Variants in HOMER2 observed in about 807,000 individuals in gnomAD.
The protein encoded by HOMER2 is homer scaffold protein 2.
HOMER2 carries 27 observed loss-of-function variants against 47.0 expected under a neutral mutation model. The ratio of observed to expected loss-of-function variants is 0.57; its 90% CI spans 0.42 to 0.79. The LOEUF is 0.79. HOMER2 is among the 30% of genes least tolerant of loss of function. The pLI is 0.00. For missense variants in HOMER2, 443 were observed against 435.0 expected (o/e 1.02, Z -0.16); for synonymous variants, 161 against 163.8 (o/e 0.98, Z 0.13).
At chr15:82,915,306 T>C (rs1005475536) in intron 1 of HOMER2, among the ~76,000 whole-genome samples, 1 of 152,168 alleles carries the variant, frequency 6.6e-6, no homozygotes, top group Non-Finnish European at 1.5e-5. Flanking sequence ...TTGCCATAAT[T>C]TTTTTAGAAG....
chr15:82,872,108 C>T (rs902947871), intron 3 of HOMER2, among the ~76,000 whole-genome samples: 3 of 152,148 alleles, frequency 2.0e-5, no homozygotes, highest in African/African-American at 7.2e-5. Flanking sequence ...GAAGGGGCCA[C>T]TCGGCTGAGG....
At chr15:82,855,673 TGG>T (rs1170130465) in intron 5 of HOMER2, among the ~76,000 whole-genome samples, 1 of 152,186 alleles carries the variant, frequency 6.6e-6, no homozygotes, top group Non-Finnish European at 1.5e-5. Context: ...ATCAGTGCCC[TGG>T]GGGCACAACA....
chr15:82,892,842 C>G lies in HOMER2; in HGVS notation c.6-1G>C. The G allele has an allele frequency of 1.3e-6, 2 of 1,569,024 alleles. No homozygotes were observed. The highest frequency in any genetic ancestry group is 1.3e-5 in the African/African-American group (1 of 74,440). Reference sequence around the variant, plus strand: ...TCGGGTGGTGAAGATGGGCTGTTCTCTGCAATAAGAGAGTGGGCGTGTGAG... The same window carrying G: ...TCGGGTGGTGAAGATGGGCTGTTCTGTGCAATAAGAGAGTGGGCGTGTGAG... On this transcript the variant is annotated splice_acceptor_variant, in intron 1 of 8. Transcript: ENST00000450735. LOFTEE classifies it high-confidence loss of function.
At chr15:82,982,072 G>A (rs1196177479) in intron 1 of HOMER2, among the ~76,000 whole-genome samples, 1 of 152,086 alleles carries the variant, frequency 6.6e-6, no homozygotes, top group African/African-American at 2.4e-5. Context: ...TCTACAATGA[G>A]TAGAAAAAAA....
chr15:82,872,770 T>C (rs999821023), intron 3 of HOMER2, among the ~76,000 whole-genome samples: 2 of 152,148 alleles, frequency 1.3e-5, no homozygotes, highest in South Asian at 2.1e-4. Context: ...GAACATCTCA[T>C]GGTGCCACAT....
At chr15:82,841,528 AAAATTTG>A (rs925295937) in exon 2 of HOMER2, 33 of 46,932 alleles carry the variant, frequency 7.0e-4, no homozygotes, top group African/African-American at 4.9e-3. Context: ...CTAAGTAAAA[AAAATTTG>A]ATATATATAT....
chr15:82,867,733 GA>G (rs2052021675), intron 3 of HOMER2, among the ~76,000 whole-genome samples: 2 of 152,168 alleles, frequency 1.3e-5, no homozygotes, highest in South Asian at 4.2e-4. Flanking sequence ...TCTTGTTAGT[GA>G]AAAAAACATT....
downstream of HOMER2, among the ~76,000 whole-genome samples, chr15:82,847,990 G>A (rs1567008181): frequency 6.6e-6 from 1 of 152,174 alleles, no homozygotes; most frequent in Admixed American, 6.5e-5. Flanking sequence ...GGCTGGCCAC[G>A]CTTTCCACTT....
chr15:82,836,106 C>T (rs1476916384), downstream of HOMER2: 1 of 152,184 alleles, frequency 6.6e-6, no homozygotes, highest in Non-Finnish European at 1.5e-5. Context: ...ATTCCTGGCC[C>T]AATTGTGTCT....
At position 82,892,748 on chromosome 15, in the gene HOMER2, G is replaced by A. The variant is rs758783805; in HGVS notation, c.99C>T (p.Thr33=). The change falls in exon 2 of 9, where the codon ACC becomes ACT. Residue 33 remains threonine (T), a synonymous_variant. Coordinates refer to ENST00000450735, the MANE Select transcript of HOMER2 (RefSeq NM_004839.4). ...TTGTGACATCATAGAAGTAGGAAACGGTGACCGCCTGCTTGCTCGCAGGCA... is the reference window on the plus strand; with the variant it reads ...TTGTGACATCATAGAAGTAGGAAACAGTGACCGCCTGCTTGCTCGCAGGCA... The part of the protein sequence containing the change: ...NWMPASKQAV[T]VSYFYDVTRN... The A allele has an allele frequency of 2.1e-5, 33 of 1,605,860 alleles. No individual in the cohort carries two copies. Among genetic ancestry groups the A allele is most frequent in the Middle Eastern group, 3.3e-4 (2 of 6,026 alleles).
chr15:82,882,655 A>G (rs1214771595), intron 2 of HOMER2, among the ~76,000 whole-genome samples: 1 of 152,218 alleles, frequency 6.6e-6, no homozygotes, highest in Admixed American at 6.5e-5. Flanking sequence ...TTCCAGAAGG[A>G]GGAGAGGCTG....
At chr15:82,874,343 A>G (rs1024846531) in intron 3 of HOMER2, among the ~76,000 whole-genome samples, 2 of 152,238 alleles carry the variant, frequency 1.3e-5, no homozygotes, top group Non-Finnish European at 2.9e-5. Context: ...AATTTCTTTG[A>G]CTTGTAAACT....
upstream of HOMER2, among the ~76,000 whole-genome samples, chr15:82,956,530 AAT>A (rs1317193136): frequency 6.6e-6 from 1 of 152,190 alleles, no homozygotes; most frequent in Non-Finnish European, 1.5e-5. Flanking sequence ...ATATTGTTAA[AAT>A]ATCACTCACT....
At chr15:82,946,270 A>G (rs930164013) in intron 1 of HOMER2, among the ~76,000 whole-genome samples, 9 of 152,190 alleles carry the variant, frequency 5.9e-5, no homozygotes, top group Admixed American at 2.0e-4. Context: ...ACATGCCTTT[A>G]TTCTTTCCTA....
At position 82,930,829 on chromosome 15, in the gene HOMER2, C is replaced by G. The variant is rs901525085; in HGVS notation, c.5+21702G>C. ...TCACTTGAGGTCTGGAGTTTGAGAC[C>G]AGCCTGGCCAACATAATGAAACCCC... On this transcript the variant is annotated intron_variant, in intron 1 of 8. Transcript: ENST00000450735. 9.2e-5 allele frequency among the ~76,000 whole-genome samples: 14 copies of G among 152,160 alleles called. No homozygotes were observed. In the East Asian group the frequency reaches 2.7e-3, roughly 29 times the overall value.
At chr15:82,965,068 G>A (rs1243558184) in intron 1 of HOMER2, among the ~76,000 whole-genome samples, 1 of 152,086 alleles carries the variant, frequency 6.6e-6, no homozygotes, top group Non-Finnish European at 1.5e-5. Flanking sequence ...TGTCCAGGCT[G>A]GAGTGCAGTG....
intron 1 of HOMER2, among the ~76,000 whole-genome samples, chr15:82,970,978 AG>A (rs1333315040): frequency 1.6e-4 from 24 of 152,226 alleles, no homozygotes; most frequent in African/African-American, 5.8e-4. Flanking sequence ...AGAGGTGAAA[AG>A]CCATAGTCCA....
At position 82,952,620 on chromosome 15, in the gene HOMER2, A is replaced by G. The variant is rs2054533006; in HGVS notation, c.-85T>C. The G allele has an allele frequency of 2.2e-5, 23 of 1,064,160 alleles. 1 individual carries two copies. The South Asian group carries it at 8.7e-4, about 40-fold the overall frequency. 65.9% of individuals were successfully genotyped at this position (1,064,160 alleles called of 1,614,324 possible). A position where few individuals can be genotyped will look rare whatever the true frequency, so the allele number is the denominator to read the frequency against. ...TCGGCAGCCGCTCCCCGCGCGGCAC[A>G]TGCGGCGGCCCGTGCGCGCCCGGCT... is the stretch of plus-strand genomic sequence containing the variant. On this transcript the variant is annotated 5_prime_UTR_variant, in exon 1 of 9. The change abolishes an upstream ATG in the 5' untranslated region. Transcript: ENST00000450735.
chr15:82,854,681 G>A lies in HOMER2; in HGVS notation c.614C>T (p.Ser205Phe). ...ASVEQWKRQF[S>F]ICRDENDRLR... ...CCGGTCATTCTCATCACGGCAGATGGAGAACTGCCTCTTCCACTGCTCCAC... is the reference window on the plus strand; with the variant it reads ...CCGGTCATTCTCATCACGGCAGATGAAGAACTGCCTCTTCCACTGCTCCAC... Residue 205 changes from serine (S) to phenylalanine (F), a missense_variant, in exon 6 of 9, where the codon TCC becomes TTC. By Grantham distance (155) the Ser-to-Phe change is radical. Transcript: ENST00000450735. The A allele has an allele frequency of 1.2e-6, 2 of 1,613,136 alleles. No homozygotes were observed.
Sources: gnomAD v4.1 joint callset for allele counts (sites outside exome capture counted in the v4.1 genomes callset) on GRCh38, gnomAD v4.1.1 for gene constraint, MANE v1.5 for transcripts, NCBI Gene and HGNC (gene_info 2026-07-23, HGNC 2026-07-21) for gene names.